CACNA1C: variants seen among roughly 807,000 people sequenced by gnomAD.
CACNA1C encodes the protein calcium voltage-gated channel subunit alpha1 C.
A neutral mutation model predicts 229.0 loss-of-function variants in CACNA1C; 30 were observed. That is an observed-to-expected ratio of 0.13 (90% confidence interval 0.10 to 0.18). CACNA1C has a LOEUF of 0.18. CACNA1C is among the 10% of genes least tolerant of loss of function. CACNA1C has a pLI of 1.00. For synonymous variants in CACNA1C, 1,114 were observed against 1,132.5 expected (o/e 0.98, Z 0.33); for missense variants, 1,658 against 2,845.0 (o/e 0.58, Z 9.49).
chr12:2,004,757 G>A lies in CACNA1C; in HGVS notation c.139+33556G>A, dbSNP rs945939433. The A allele has an allele frequency of 2.7e-5, 9 of 338,086 alleles. No homozygotes were observed. The Admixed American group carries it at 2.8e-4, about 11-fold the overall frequency. 20.9% of individuals were successfully genotyped at this position (338,086 alleles called of 1,614,324 possible). A position where few individuals can be genotyped will look rare whatever the true frequency, so the allele number is the denominator to read the frequency against. On this transcript the variant is annotated intron_variant, in intron 1 of 46. Transcript: ENST00000682462. ...GTGCGGTAGGATTTCCTTCTTGGATGTGTTCGACCCCTTGGCATATCTTTT... is the reference window on the plus strand; with the variant it reads ...GTGCGGTAGGATTTCCTTCTTGGATATGTTCGACCCCTTGGCATATCTTTT...
At chr12:2,674,343 G>T in intron 38 of CACNA1C, 198 bp from the exon 39 acceptor site, 1 of 730,970 alleles carries the variant, frequency 1.4e-6, no homozygotes, top group Non-Finnish European at 2.1e-6. Flanking sequence ...GGGGAAGGAA[G>T]GAAGGTGGAC....
chr12:2,658,621 T>C (rs1191422893), intron 34 of CACNA1C, among the ~76,000 whole-genome samples: 5 of 18,416 alleles, frequency 2.7e-4, no homozygotes, highest in African/African-American at 5.7e-4. Context: ...GTACTGCTTC[T>C]ACTTATTTTT....
chr12:2,188,549 T>C (rs1479150116), intron 3 of CACNA1C, among the ~76,000 whole-genome samples: 1 of 152,180 alleles, frequency 6.6e-6, no homozygotes, highest in African/African-American at 2.4e-5. Context: ...CTATTGCACC[T>C]AATGGATAAA....
At chr12:2,452,976 C>G (rs777075290) in intron 4 of CACNA1C, among the ~76,000 whole-genome samples, 6 of 152,202 alleles carry the variant, frequency 3.9e-5, no homozygotes, top group Non-Finnish European at 7.3e-5. Context: ...CTGGCAACTT[C>G]TGCCTGGGAT....
At chr12:2,599,658 A>G (rs563200876) in intron 21 of CACNA1C, among the ~76,000 whole-genome samples, 1 of 152,186 alleles carries the variant, frequency 6.6e-6, no homozygotes, top group Admixed American at 6.5e-5. Context: ...CACCCCAGCA[A>G]GGGCCCCTTC....
intron 1 of CACNA1C, among the ~76,000 whole-genome samples, chr12:2,036,212 C>T (rs527703289): frequency 3.3e-5 from 5 of 152,262 alleles, no homozygotes; most frequent in African/African-American, 4.8e-5. Context: ...AATGATGCCA[C>T]GTAGACCTAG....
At position 2,285,425 on chromosome 12, in the gene CACNA1C, C is replaced by T. The variant is rs539913066; in HGVS notation, c.478-163551C>T. ...TGGCTGGAACCACTTGTGAAGGTGA[C>T]GTAGGGCTGCAGGGAGAGCCCAGGT... is the stretch of plus-strand genomic sequence containing the variant. On this transcript the variant is annotated intron_variant, in intron 3 of 46. Coordinates refer to ENST00000399655, the MANE Select transcript of CACNA1C (RefSeq NM_000719.7). The surrounding 1 kb of genome is among the most constrained non-coding windows in gnomAD (Gnocchi z 4.2). 2.6e-5 allele frequency among the ~76,000 whole-genome samples: 4 copies of T among 152,306 alleles called. No homozygotes were observed. The highest frequency in any genetic ancestry group is 4.8e-5 in the African/African-American group (2 of 41,568).
intron 9 of CACNA1C, among the ~76,000 whole-genome samples, chr12:2,545,910 A>G (rs1352487462): frequency 6.6e-6 from 1 of 152,272 alleles, no homozygotes; most frequent in African/African-American, 2.4e-5. Flanking sequence ...CTCCAAGTCC[A>G]TACATAACTT....
rs549979348 is a variant in CACNA1C, at chr12:2,319,525, G to A, written c.478-129451G>A. 1.4e-4 allele frequency among the ~76,000 whole-genome samples: 21 copies of A among 152,260 alleles called. No individual in the cohort carries two copies. The South Asian group carries it at 4.4e-3, about 32-fold the overall frequency. On this transcript the variant is annotated intron_variant, in intron 3 of 46. Coordinates refer to ENST00000399655, the MANE Select transcript of CACNA1C (RefSeq NM_000719.7). The surrounding 1 kb of genome is among the most constrained non-coding windows in gnomAD (Gnocchi z 4.0). The stretch of plus-strand genomic sequence containing the variant: ...TGGCTCCGAACCCCCAGCAGCCAGC[G>A]GGTGGGTTGGATTCCAGGGTCTCCA...
At chr12:2,396,105 G>C (rs572321639) in intron 3 of CACNA1C, among the ~76,000 whole-genome samples, 1 of 152,118 alleles carries the variant, frequency 6.6e-6, no homozygotes, top group Non-Finnish European at 1.5e-5. Flanking sequence ...CAGGAAGTGT[G>C]TGTGCGTGGT....
intron 3 of CACNA1C, among the ~76,000 whole-genome samples, chr12:2,311,377 G>T (rs985353159): frequency 6.6e-6 from 1 of 152,132 alleles, no homozygotes; most frequent in African/African-American, 2.4e-5. Flanking sequence ...ATTCTCTAAG[G>T]CCTGCAAGCC....
At chr12:2,307,426 C>G (rs901152133) in intron 3 of CACNA1C, among the ~76,000 whole-genome samples, 12 of 152,226 alleles carry the variant, frequency 7.9e-5, no homozygotes, top group Non-Finnish European at 1.8e-4. Context: ...TCCTTGGAAG[C>G]AGCTGAGCCA....
intron 3 of CACNA1C, among the ~76,000 whole-genome samples, chr12:2,359,239 G>A (rs556984197): frequency 4.1e-4 from 62 of 152,232 alleles, no homozygotes; most frequent in South Asian, 1.5e-3. Context: ...TCGGTCCTTC[G>A]GGTAGTCTCA....
At chr12:2,274,218 G>A (rs754545275) in intron 3 of CACNA1C, among the ~76,000 whole-genome samples, 7 of 152,184 alleles carry the variant, frequency 4.6e-5, no homozygotes, top group Non-Finnish European at 8.8e-5. Context: ...AGAAAGTGCT[G>A]TGGGGCCCAG....
At chr12:2,255,832 T>G (rs12821578) in intron 3 of CACNA1C, among the ~76,000 whole-genome samples, 422 of 23,366 alleles carry the variant, frequency 0.018, 2 homozygotes, top group African/African-American at 0.031. Flanking sequence ...ATCCTGACCT[T>G]ACTAGTTTAC....
intron 3 of CACNA1C, among the ~76,000 whole-genome samples, chr12:2,122,441 A>T (rs1300903804): frequency 6.6e-6 from 1 of 152,116 alleles, no homozygotes; most frequent in East Asian, 1.9e-4. Flanking sequence ...AAAACCCTTA[A>T]AACAGATGAA....
chr12:2,427,654 G>C (rs1045004297), intron 3 of CACNA1C, among the ~76,000 whole-genome samples: 1 of 151,892 alleles, frequency 6.6e-6, no homozygotes, highest in South Asian at 2.1e-4. Context: ...GGAGTTTCAC[G>C]CTTGTCACCC....
In CACNA1C at chr12:2,605,714, C is replaced by T; in HGVS notation, c.3084C>T (p.Thr1028=). Residue 1028 remains threonine, a synonymous_variant, in exon 24 of 47, where the codon ACC becomes ACT. Transcript: ENST00000399655. This position sits in a 1 kb window ranked among gnomAD's most constrained non-coding sequence, Gnocchi z 6.2. The part of the protein sequence containing the change: ...VVQCVFVAIR[T]IGNIVIVTTL... ...AGTGTGTGTTTGTCGCCATCCGGAC[C>T]ATCGGGAACATCGTGATTGTCACCA... 6.2e-7 allele frequency: 1 copy of T among 1,613,984 alleles called. No individual in the cohort carries two copies. Among genetic ancestry groups the T allele is most frequent in the Non-Finnish European group, 8.5e-7 (1 of 1,179,870 alleles).
At position 2,285,773 on chromosome 12, in the gene CACNA1C, G is replaced by A. The variant is rs1242645298; in HGVS notation, c.478-163203G>A. 2.0e-5 allele frequency among the ~76,000 whole-genome samples: 3 copies of A among 152,110 alleles called. No individual in the cohort carries two copies. The highest frequency in any genetic ancestry group is 6.6e-5 in the Admixed American group (1 of 15,258). On this transcript the variant is annotated intron_variant, in intron 3 of 46. Coordinates refer to ENST00000399655, the MANE Select transcript of CACNA1C (RefSeq NM_000719.7). The surrounding 1 kb of genome is among the most constrained non-coding windows in gnomAD (Gnocchi z 4.2). ...GTGCTCATTCGAGAGAGGCTGGTGCGCACCTACCCAGCGGCTTTTTGGGCG... is the reference window on the plus strand; with the variant it reads ...GTGCTCATTCGAGAGAGGCTGGTGCACACCTACCCAGCGGCTTTTTGGGCG...
Sources: allele counts gnomAD v4.1 joint callset (sites outside exome capture counted in the v4.1 genomes callset), GRCh38; gene constraint gnomAD v4.1.1; non-coding constraint Gnocchi (gnomAD v3.1); transcripts MANE v1.5; gene names NCBI Gene and HGNC (gene_info 2026-07-23, HGNC 2026-07-21).